KIF1A: variants seen among roughly 807,000 people sequenced by gnomAD.
KIF1A encodes kinesin family member 1A, also known as kinesin-like protein KIF1A.
A neutral mutation model predicts 227.3 loss-of-function variants in KIF1A; 46 were observed. The ratio of observed to expected loss-of-function variants is 0.20; its 90% CI spans 0.16 to 0.26. The LOEUF (loss-of-function observed/expected upper bound fraction) is 0.26. Among genes scored for constraint, KIF1A ranks in the 10% least tolerant of loss-of-function variants. KIF1A has a pLI of 1.00. For missense variants in KIF1A, 1,683 were observed against 2,485.9 expected (o/e 0.68, Z 6.87); for synonymous variants, 1,022 against 1,012.8 (o/e 1.01, Z -0.17).
chr2:240,783,140 T>C (rs767697093), intron 8 of KIF1A, 31 bp from the exon 9 acceptor site: 2 of 1,586,698 alleles, frequency 1.3e-6, no homozygotes, highest in Admixed American at 3.3e-5. Flanking sequence ...GGGGTTGGGA[T>C]GCTGGGGACC....
intron 38 of KIF1A, chr2:240,734,687 A>G (rs1259679502): frequency 1.5e-6 from 2 of 1,302,922 alleles, no homozygotes; most frequent in Non-Finnish European, 2.0e-6. Flanking sequence ...CTGAAATGAA[A>G]CCAAGGGTAA....
chr2:240,744,182 C>T (rs370117548), intron 32 of KIF1A, 122 bp from the exon 33 acceptor site: 86 of 706,978 alleles, frequency 1.2e-4, no homozygotes, highest in Non-Finnish European at 1.8e-4. Flanking sequence ...GCTGGGCCCA[C>T]GTCTGCCCAG....
intron 11 of KIF1A, 137 bp from the exon 12 acceptor site, chr2:240,774,398 C>CG: frequency 2.4e-6 from 1 of 421,058 alleles, no homozygotes; most frequent in Non-Finnish European, 4.2e-6. Flanking sequence ...CTTACCCCCC[C>CG]CCCCACCCCC....
intron 28 of KIF1A, among the ~76,000 whole-genome samples, chr2:240,749,124 C>CAA (rs71049518): frequency 7.6e-4 from 100 of 132,386 alleles, no homozygotes; most frequent in Middle Eastern, 7.9e-3. Flanking sequence ...AGACTTTGTC[C>CAA]AAAAAAAAAA....
At chr2:240,754,397 G>A (rs982433731) in intron 27 of KIF1A, among the ~76,000 whole-genome samples, 2 of 152,208 alleles carry the variant, frequency 1.3e-5, no homozygotes, top group Non-Finnish European at 2.9e-5. Context: ...CTGGCTCGGT[G>A]ATAGACTTGT....
intron 1 of KIF1A, among the ~76,000 whole-genome samples, chr2:240,811,364 C>CA (rs145295095): frequency 0.014 from 2,139 of 151,348 alleles, 62 homozygotes; most frequent in African/African-American, 0.048. Flanking sequence ...GACTCCATCT[C>CA]AAAAAAAAGA....
chr2:240,771,292 C>T (rs148642546), intron 14 of KIF1A, 188 bp from the exon 15 acceptor site: 65 of 714,302 alleles, frequency 9.1e-5, no homozygotes, highest in Middle Eastern at 5.4e-4. Context: ...CAGAAACCAT[C>T]AACGAGGCAC....
At chr2:240,812,849 T>C (rs376334198) in intron 1 of KIF1A, among the ~76,000 whole-genome samples, 64 of 62,834 alleles carry the variant, frequency 1.0e-3, no homozygotes, top group South Asian at 2.7e-3. Context: ...CTCGGGGATC[T>C]GCCTTCACCT....
At chr2:240,763,977 T>C (rs2050837866) in intron 20 of KIF1A, among the ~76,000 whole-genome samples, 1 of 152,046 alleles carries the variant, frequency 6.6e-6, no homozygotes, top group Admixed American at 6.5e-5. Flanking sequence ...AGCACCCGGC[T>C]GGACCCCCCT....
chr2:240,728,540 G>C, intron 38 of KIF1A: 1 of 543,762 alleles, frequency 1.8e-6, no homozygotes, highest in Admixed American at 2.4e-5. Flanking sequence ...GGATCTCACG[G>C]CCCCCAGGCT....
intron 12 of KIF1A, 26 bp downstream of exon 12, chr2:240,774,157 A>C: frequency 1.4e-6 from 2 of 1,473,954 alleles, no homozygotes; most frequent in Non-Finnish European, 1.9e-6. Context: ...AGCGGGAAGC[A>C]GAGCTTGTCT....
Position 240,786,534 on chromosome 2 carries a change from A to C in KIF1A, c.430-21T>G, listed in dbSNP as rs773109150. The C allele has an allele frequency of 1.9e-6, 3 of 1,609,102 alleles. No individual in the cohort carries two copies. The South Asian group carries it at 3.3e-5, about 18-fold the overall frequency. ...CTGACCTGCAGGGCAGAGCCAGGCC[A>C]TCAGGGGCCCCTGAGGCGAGGGAGT... is the stretch of plus-strand genomic sequence containing the variant. On this transcript the variant is annotated intron_variant, in intron 5 of 48. Coordinates refer to ENST00000498729, the MANE Select transcript of KIF1A (RefSeq NM_001244008.2).
At position 240,778,444 on chromosome 2, in the gene KIF1A, G is replaced by A. The variant is rs984712230; in HGVS notation, c.883-2518C>T. Among the ~76,000 whole-genome samples, 18 of 149,896 alleles carry A rather than the reference G, an allele frequency of 1.2e-4. No individual in the cohort carries two copies. The highest frequency in any genetic ancestry group is 1.5e-4 in the Non-Finnish European group (10 of 67,724). ...AACATTTCCTAACACGGCTCCCCACGGGAGGCCTCACACGATCCTCCATTT... is the reference window on the plus strand; with the variant it reads ...AACATTTCCTAACACGGCTCCCCACAGGAGGCCTCACACGATCCTCCATTT... On this transcript the variant is annotated intron_variant, in intron 10 of 48. Transcript: ENST00000498729. This position sits in a 1 kb window ranked among gnomAD's most constrained non-coding sequence, Gnocchi z 7.2.
chr2:240,743,581 G>C (rs964173499), intron 33 of KIF1A, among the ~76,000 whole-genome samples: 2 of 152,174 alleles, frequency 1.3e-5, no homozygotes, highest in African/African-American at 4.8e-5. Flanking sequence ...GGCTTCCCCA[G>C]GGTGTGGCAC....
chr2:240,724,047 T>G lies in KIF1A; in HGVS notation c.4257-11A>C. ...CCAGTCACACGGTTACTGTGGGGAG[T>G]AGAAGGAGTGACATGCAGTCACCAG... On this transcript the variant is annotated splice_polypyrimidine_tract_variant and intron_variant, in intron 40 of 48. Transcript: ENST00000498729. 1 of 1,611,522 alleles carries G rather than the reference T, an allele frequency of 6.2e-7. No homozygotes were observed. The highest frequency in any genetic ancestry group is 8.5e-7 in the Non-Finnish European group (1 of 1,179,258).
At chr2:240,742,811 C>T in intron 34 of KIF1A, 118 bp downstream of exon 34, 2 of 925,462 alleles carry the variant, frequency 2.2e-6, no homozygotes, top group Non-Finnish European at 3.3e-6. Context: ...CGCCAGAGTG[C>T]CTGGGAGGGC....
rs2051219404 is a variant in KIF1A at position 240,766,702 on chromosome 2, A to G, written c.1684+213T>C. Among the ~76,000 whole-genome samples, 2 of 149,082 alleles carry G rather than the reference A, an allele frequency of 1.3e-5. No individual in the cohort carries two copies. Among genetic ancestry groups the G allele is most frequent in the African/African-American group, 5.0e-5 (2 of 39,620 alleles). Reference sequence around the variant, plus strand: ...AAGTTGTTTTTAAGGCTGGCCCCAAATATCTCTCTCTCTCTCCAAATCTCT... The same window carrying G: ...AAGTTGTTTTTAAGGCTGGCCCCAAGTATCTCTCTCTCTCTCCAAATCTCT... On this transcript the variant is annotated intron_variant, in intron 19 of 48. Transcript: ENST00000498729. The surrounding 1 kb of genome is among the most constrained non-coding windows in gnomAD (Gnocchi z 5.0).
At chr2:240,738,000 G>C (rs1166815177) in intron 37 of KIF1A, among the ~76,000 whole-genome samples, 1 of 152,198 alleles carries the variant, frequency 6.6e-6, no homozygotes, top group Admixed American at 6.5e-5. Context: ...CAGCACTTAG[G>C]TCCTGGGAAG....
At position 240,760,685 on chromosome 2, in the gene KIF1A, G is replaced by A. The variant is rs1159948947; in HGVS notation, c.2424C>T (p.Tyr808=). 1 of 1,563,380 alleles carries A rather than the reference G, an allele frequency of 6.4e-7. No homozygotes were observed. ...CCCACCTGAGCTTCTCCAGCGTCCA[G>A]TAGTGGGTGGCCCCGTTCTTCTGGT... ...VQDQKNGATH[Y]WTLEKLRQRL... is the part of the protein sequence containing the mutation. Residue 808 remains tyrosine, a synonymous_variant, in exon 25 of 49, where the codon TAC becomes TAT. Transcript: ENST00000498729.
Sources: gnomAD v4.1 joint callset for allele counts (sites outside exome capture counted in the v4.1 genomes callset) on GRCh38, gnomAD v4.1.1 for gene constraint, Gnocchi (gnomAD v3.1) non-coding constraint, MANE v1.5 for transcripts, NCBI Gene and HGNC (gene_info 2026-07-23, HGNC 2026-07-21) for gene names.